Variants in DYNC2H1 observed in about 807,000 individuals in gnomAD.
DYNC2H1 encodes the protein cytoplasmic dynein 2 heavy chain 1.
A neutral mutation model predicts 570.0 loss-of-function variants in DYNC2H1; 410 were observed. The ratio of observed to expected loss-of-function variants is 0.72; its 90% CI spans 0.66 to 0.78. The LOEUF (loss-of-function observed/expected upper bound fraction) is 0.78, where lower values mean the gene tolerates loss of function less well. Ranked by LOEUF, DYNC2H1 falls within the 30% of genes least tolerant of loss-of-function variation. The pLI, the probability that DYNC2H1 is intolerant of heterozygous loss-of-function variation, is 0.00. For synonymous variants in DYNC2H1, 1,688 were observed against 1,677.6 expected (o/e 1.01, Z -0.15); for missense variants, 4,865 against 5,046.4 (o/e 0.96, Z 1.09).
chr11:103,235,559 C>A, intron 61 of DYNC2H1, 113 bp from the exon 62 acceptor site: 1 of 974,264 alleles, frequency 1.0e-6, no homozygotes, highest in Non-Finnish European at 1.4e-6. Flanking sequence ...ACATTCAAAA[C>A]AAGTTATTAC....
Position 103,325,412 on chromosome 11 carries a change from T to G in DYNC2H1, c.12039+1422T>G, listed in dbSNP as rs917636008. Reference sequence around the variant, plus strand: ...TATGGTGGAAGGAGTGGGTCTAGTTTCCATCTTCTTCACATGGCTAGGTAG... The same window carrying G: ...TATGGTGGAAGGAGTGGGTCTAGTTGCCATCTTCTTCACATGGCTAGGTAG... On this transcript the variant is annotated intron_variant, in intron 82 of 88. Coordinates refer to ENST00000375735, the MANE Select transcript of DYNC2H1 (RefSeq NM_001377.3). The surrounding 1 kb of genome is among the most constrained non-coding windows in gnomAD (Gnocchi z 4.8). 6.6e-6 allele frequency among the ~76,000 whole-genome samples: 1 copy of G among 152,252 alleles called. No individual in the cohort carries two copies. The highest frequency in any genetic ancestry group is 1.5e-5 in the Non-Finnish European group (1 of 68,046).
At chr11:103,207,636 T>C (rs1009298779) in intron 52 of DYNC2H1, among the ~76,000 whole-genome samples, 7 of 151,980 alleles carry the variant, frequency 4.6e-5, no homozygotes, top group Non-Finnish European at 8.8e-5. Flanking sequence ...AAAACAGTAG[T>C]TTGGGAGAGT....
intron 26 of DYNC2H1, 115 bp downstream of exon 26, chr11:103,156,885 T>G: frequency 7.8e-7 from 1 of 1,283,700 alleles, no homozygotes; most frequent in East Asian, 2.5e-5. Flanking sequence ...CCTCTGTGTA[T>G]TCAAATTCTT....
chr11:103,408,190 G>T (rs1307478227), intron 84 of DYNC2H1: 1 of 151,954 alleles, frequency 6.6e-6, no homozygotes, highest in Non-Finnish European at 1.5e-5. Context: ...GATGTTGAGG[G>T]TCATAAGGGT....
chr11:103,377,619 C>T (rs2671380), intron 83 of DYNC2H1, among the ~76,000 whole-genome samples: 102,433 of 151,972 alleles, frequency 0.67, 34,608 homozygotes, highest in Admixed American at 0.73. Context: ...TAATCTTTTA[C>T]ATTCTTATAC....
Position 103,179,025 on chromosome 11 carries a change from G to A in DYNC2H1, c.6140-1G>A. 6.2e-7 allele frequency: 1 copy of A among 1,600,998 alleles called. No individual in the cohort carries two copies. The highest frequency in any genetic ancestry group is 1.1e-5 in the South Asian group (1 of 89,068). ...TCTCCACTGTTTTGATTTGAAAATA[G>A]ATGTCAGCTCATGGATAATCTGTGA... On this transcript the variant is annotated splice_acceptor_variant, in intron 38 of 88. Transcript: ENST00000375735. LOFTEE classifies it high-confidence loss of function.
intron 17 of DYNC2H1, among the ~76,000 whole-genome samples, chr11:103,142,013 A>T (rs1859968335): frequency 6.6e-6 from 1 of 152,194 alleles, no homozygotes; most frequent in African/African-American, 2.4e-5. Context: ...CCTCCCAGCC[A>T]TGTGCAGGAT....
intron 30 of DYNC2H1, among the ~76,000 whole-genome samples, chr11:103,164,671 T>C (rs114113007): frequency 0.012 from 1,808 of 152,304 alleles, 37 homozygotes; most frequent in African/African-American, 0.04. Context: ...TATCAAGTCA[T>C]TTTGAAGGTT....
At chr11:103,402,602 GAT>G (rs1942689047) in intron 84 of DYNC2H1, 2 of 152,066 alleles carry the variant, frequency 1.3e-5, no homozygotes, top group Non-Finnish European at 2.9e-5. Flanking sequence ...TTGTCATGTA[GAT>G]AGAGGCTTAC....
chr11:103,114,169 T>G lies in DYNC2H1; in HGVS notation c.433T>G (p.Leu145Val). 1 of 1,606,998 alleles carries G rather than the reference T, an allele frequency of 6.2e-7. No individual in the cohort carries two copies. Among genetic ancestry groups the G allele is most frequent in the Non-Finnish European group, 8.5e-7 (1 of 1,176,254 alleles). ...TCTTTTGAGTGAACTAGAAGCTGGG[T>G]TGGGTATAGTTCTACGAAGATCAGA... is the stretch of plus-strand genomic sequence containing the variant. Reference protein sequence around the residue: ...QNLLSELEAGLGIVLRRSDTN... With the variant: ...QNLLSELEAGVGIVLRRSDTN... Residue 145 changes from leucine (L) to valine (V), a missense_variant, in exon 3 of 89, where the codon TTG becomes GTG. This residue lies in a region of DYNC2H1 where 1,936 missense variants were observed against 1,962.1 expected (regional missense o/e 0.99). Coordinates refer to ENST00000375735, the MANE Select transcript of DYNC2H1 (RefSeq NM_001377.3).
Position 103,395,560 on chromosome 11 carries a change from T to C in DYNC2H1, c.12157-4103T>C, listed in dbSNP as rs1057076961. On this transcript the variant is annotated intron_variant, in intron 83 of 88. Coordinates refer to ENST00000375735, the MANE Select transcript of DYNC2H1 (RefSeq NM_001377.3). This position sits in a 1 kb window ranked among gnomAD's most constrained non-coding sequence, Gnocchi z 4.3. Reference sequence around the variant, plus strand: ...TTTTTCATACAGCATCTCTTTATTATCACAGAATTATTGCAGCTATTCTCT... The same window carrying C: ...TTTTTCATACAGCATCTCTTTATTACCACAGAATTATTGCAGCTATTCTCT... Among the ~76,000 whole-genome samples, 1 of 152,020 alleles carries C rather than the reference T, an allele frequency of 6.6e-6. No individual in the cohort carries two copies. Among genetic ancestry groups the C allele is most frequent in the East Asian group, 1.9e-4 (1 of 5,194 alleles).
rs1394520156 is a variant in DYNC2H1 at position 103,439,202 on chromosome 11, G to A, written c.12456+3170G>A. On this transcript the variant is annotated intron_variant, in intron 85 of 88. Coordinates refer to ENST00000375735, the MANE Select transcript of DYNC2H1 (RefSeq NM_001377.3). This position sits in a 1 kb window ranked among gnomAD's most constrained non-coding sequence, Gnocchi z 4.1. ...AAATAGCACTATTTAACCTAGAAGG[G>A]GTCAGAGAAGTGCTGCCTAAGCTGG... Among the ~76,000 whole-genome samples the A allele has an allele frequency of 1.3e-5, 2 of 152,012 alleles. No homozygotes were observed. The highest frequency in any genetic ancestry group is 4.8e-5 in the African/African-American group (2 of 41,388).
intron 60 of DYNC2H1, among the ~76,000 whole-genome samples, chr11:103,233,155 C>G (rs781067663): frequency 6.3e-4 from 95 of 151,914 alleles, no homozygotes; most frequent in Non-Finnish European, 1.0e-3. Context: ...ATGCCAGTCA[C>G]ATCTGTATAT....
intron 84 of DYNC2H1, among the ~76,000 whole-genome samples, chr11:103,417,933 T>G (rs1943347496): frequency 1.3e-5 from 2 of 150,604 alleles, no homozygotes; most frequent in Admixed American, 6.6e-5. Context: ...AAAGAAAAAT[T>G]GTAACATTAT....
intron 1 of DYNC2H1, among the ~76,000 whole-genome samples, chr11:103,112,983 T>C (rs1858185121): frequency 6.6e-6 from 1 of 152,224 alleles, no homozygotes; most frequent in South Asian, 2.1e-4. Flanking sequence ...CTTAACTCTT[T>C]AAGGAAAAAT....
intron 82 of DYNC2H1, among the ~76,000 whole-genome samples, chr11:103,344,113 C>T (rs1419097132): frequency 1.3e-5 from 2 of 152,142 alleles, no homozygotes; most frequent in Non-Finnish European, 2.9e-5. Flanking sequence ...TGCATCTTGT[C>T]AGTACCCTAT....
intron 40 of DYNC2H1, among the ~76,000 whole-genome samples, chr11:103,182,192 C>G (rs1156358168): frequency 6.6e-6 from 1 of 151,064 alleles, no homozygotes; most frequent in Non-Finnish European, 1.5e-5. Flanking sequence ...CTTGCTGCCA[C>G]TTTTTACTGA....
In DYNC2H1 at chr11:103,191,961, CT is replaced by C. The variant is rs562915326; in HGVS notation, c.7541-129del. 1.3e-3 allele frequency: 795 copies of C among 629,138 alleles called. 4 individuals carry two copies. The African/African-American group carries it at 0.014, about 11-fold the overall frequency. 39.0% of individuals were successfully genotyped at this position (629,138 alleles called of 1,614,324 possible). The stretch of plus-strand genomic sequence containing the variant: ...AACTTATTAACAAAATGAATTTTAA[CT>C]TTTTTTCCTTTCTTCCATTTATCTG... On this transcript the variant is annotated intron_variant, in intron 46 of 88. Transcript: ENST00000375735.
At position 103,364,596 on chromosome 11, in the gene DYNC2H1, G is replaced by GTT. The variant is rs1403229805; in HGVS notation, c.12156+6238_12156+6239dup. Among the ~76,000 whole-genome samples, 272 of 140,370 alleles carry GTT rather than the reference G, an allele frequency of 1.9e-3. 3 individuals carry two copies. Among genetic ancestry groups the GTT allele is most frequent in the African/African-American group, 6.9e-3 (248 of 36,066 alleles). 92.1% of individuals were successfully genotyped at this position (140,370 alleles called of 152,430 possible). A position where few individuals can be genotyped will look rare whatever the true frequency, so the allele number is the denominator to read the frequency against. ...AGACTCTGGTTCGTATTTAAATCTT[G>GTT]TTGTTTTTTTTTTTTTTTAAGCAGG... On this transcript the variant is annotated intron_variant, in intron 83 of 88. Transcript: ENST00000375735.
Sources: allele counts gnomAD v4.1 joint callset (sites outside exome capture counted in the v4.1 genomes callset), GRCh38; gene constraint gnomAD v4.1.1; regional missense constraint gnomAD v4.1.1; non-coding constraint Gnocchi (gnomAD v3.1); transcripts MANE v1.5; gene names NCBI Gene and HGNC (gene_info 2026-07-23, HGNC 2026-07-21).